Variants in ZNF362 observed in about 807,000 individuals in gnomAD.
ZNF362 encodes the protein rotund homolog.
A neutral mutation model predicts 42.9 loss-of-function variants in ZNF362; 11 were observed. That is an observed-to-expected ratio of 0.26 (90% CI 0.16 to 0.42). ZNF362 has a LOEUF of 0.42. Among genes scored for constraint, ZNF362 ranks in the 20% least tolerant of loss-of-function variants. The pLI, the probability that ZNF362 is intolerant of heterozygous loss-of-function variation, is 1.00. For missense variants in ZNF362, 362 were observed against 576.2 expected (o/e 0.63, Z 3.81); for synonymous variants, 255 against 257.3 (o/e 0.99, Z 0.09).
chr1:33,201,283 C>A, the ZNF362 span, among the ~76,000 whole-genome samples: 1 of 152,264 alleles, frequency 6.6e-6, no homozygotes, highest in Non-Finnish European at 1.5e-5. Flanking sequence ...ATACTGTCAG[C>A]CAACTTGATC....
chr1:33,192,289 C>T, the ZNF362 span, among the ~76,000 whole-genome samples: 12 of 152,156 alleles, frequency 7.9e-5, no homozygotes, highest in Non-Finnish European at 1.6e-4. Flanking sequence ...GGTTGTATCC[C>T]CTTGTATCTG....
At chr1:33,236,550 A>AAAAAAAAAAAAAAAATATATATATATAT in the ZNF362 span, among the ~76,000 whole-genome samples, 1 of 5,980 alleles carries the variant, frequency 1.7e-4, no homozygotes, top group African/African-American at 3.9e-4. Flanking sequence ...AAAAAAAAAA[A>AAAAAAAAAAAAAAAATATATATATATAT]ATATATATAT....
chr1:33,193,751 G>A, the ZNF362 span, among the ~76,000 whole-genome samples: 1 of 152,212 alleles, frequency 6.6e-6, no homozygotes, highest in African/African-American at 2.4e-5. Context: ...GTCCCTTGTT[G>A]AGCAGAAATA....
intron 1 of ZNF362, 124 bp downstream of exon 1, chr1:33,256,778 G>C (rs1428418120): frequency 6.8e-6 from 1 of 146,310 alleles, no homozygotes; most frequent in Admixed American, 6.8e-5. Context: ...AGCGCGGGCC[G>C]GGGCGCTCCG....
At position 33,292,318 on chromosome 1, in the gene ZNF362, G is replaced by T. The variant is rs183796298; in HGVS notation, c.909-2619G>T. 3.6e-3 allele frequency among the ~76,000 whole-genome samples: 549 copies of T among 152,328 alleles called. 4 individuals are homozygous for T. The highest frequency in any genetic ancestry group is 0.013 in the African/African-American group (520 of 41,566). On this transcript the variant is annotated intron_variant, in intron 6 of 8. Coordinates refer to ENST00000539719, the MANE Select transcript of ZNF362 (RefSeq NM_152493.3). ...GTCAAAGGCCTTTTCTGCATCTATTGAGATAATCATGTGGTGTTTGTCGTT... is the reference window on the plus strand; with the variant it reads ...GTCAAAGGCCTTTTCTGCATCTATTTAGATAATCATGTGGTGTTTGTCGTT...
chr1:33,299,024 C>T lies in ZNF362; in HGVS notation c.1241C>T (p.Pro414Leu). 6.2e-7 allele frequency: 1 copy of T among 1,610,632 alleles called. No homozygotes were observed. The highest frequency in any genetic ancestry group is 8.5e-7 in the Non-Finnish European group (1 of 1,179,962). ...CAGAGGACGGAGTCCCCCGGCATCC[C>T]GGTGCGAATCTCTCTCATCTGAGCC... ...SPQRTESPGIPVRISLI is the reference protein window; with the variant it reads ...SPQRTESPGILVRISLI Residue 414 changes from proline to leucine, a missense_variant, in exon 9 of 9, where the codon CCG becomes CTG. Around this residue, in one of 3 missense-constraint regions of ZNF362, gnomAD observed 68 missense variants for 107.4 expected, o/e 0.63. Coordinates refer to ENST00000539719, the MANE Select transcript of ZNF362 (RefSeq NM_152493.3).
Position 33,276,343 on chromosome 1 carries a change from C to T in ZNF362, c.103-5C>T, listed in dbSNP as rs200026338. The T allele has an allele frequency of 1.6e-5, 25 of 1,548,710 alleles. No homozygotes were observed. Among genetic ancestry groups the T allele is most frequent in the African/African-American group, 1.4e-4 (10 of 73,188 alleles). On this transcript the variant is annotated splice_polypyrimidine_tract_variant and splice_region_variant and intron_variant, in intron 3 of 8. Coordinates refer to ENST00000539719, the MANE Select transcript of ZNF362 (RefSeq NM_152493.3). The stretch of plus-strand genomic sequence containing the variant: ...CCTCCTCAGCCCGTCCTCTTCTTCC[C>T]GCAGCTGGACAACCTGGTTCTGATT...
intron 6 of ZNF362, among the ~76,000 whole-genome samples, chr1:33,282,445 A>G (rs919212924): frequency 6.6e-6 from 1 of 152,260 alleles, no homozygotes; most frequent in Admixed American, 6.5e-5. Context: ...GCAAGGAAGA[A>G]AACAGACGAA....
the ZNF362 span, among the ~76,000 whole-genome samples, chr1:33,191,866 T>C: frequency 1.3e-5 from 2 of 152,204 alleles, no homozygotes; most frequent in African/African-American, 2.4e-5. Flanking sequence ...ACCCTAGTGA[T>C]TGACCTAGAA....
In ZNF362 at chr1:33,299,052, C is replaced by G; in HGVS notation, c.*6C>G. On this transcript the variant is annotated 3_prime_UTR_variant, in exon 9 of 9. Coordinates refer to ENST00000539719, the MANE Select transcript of ZNF362 (RefSeq NM_152493.3). ...TGCGAATCTCTCTCATCTGAGCCCA[C>G]TGGAGGCGCCGCCCCACCCGGCCCA... 3 of 1,603,512 alleles carry G rather than the reference C, an allele frequency of 1.9e-6. No homozygotes were observed. Among genetic ancestry groups the G allele is most frequent in the Non-Finnish European group, 2.5e-6 (3 of 1,178,064 alleles).
At chr1:33,149,064 A>T in the ZNF362 span, among the ~76,000 whole-genome samples, 111,394 of 152,044 alleles carry the variant, frequency 0.73, 40,834 homozygotes, top group Admixed American at 0.76. Flanking sequence ...CCAGAGGCTC[A>T]ATTCAAAAGG....
the ZNF362 span, among the ~76,000 whole-genome samples, chr1:33,217,999 C>T: frequency 6.6e-6 from 1 of 152,182 alleles, no homozygotes; most frequent in East Asian, 1.9e-4. Context: ...TGAACATGAG[C>T]AGAATCCAGT....
intron 6 of ZNF362, among the ~76,000 whole-genome samples, chr1:33,292,277 A>G (rs912446075): frequency 2.6e-5 from 4 of 152,256 alleles, no homozygotes; most frequent in Middle Eastern, 3.2e-3. Flanking sequence ...TTTAGCAACA[A>G]GGGCTGTTGA....
chr1:33,194,532 CAAAAAAAAA>C, the ZNF362 span, among the ~76,000 whole-genome samples: 4 of 103,848 alleles, frequency 3.9e-5, no homozygotes, highest in Admixed American at 1.2e-4. Flanking sequence ...GACCCTGTCT[CAAAAAAAAA>C]AAAAAAAAAA....
chr1:33,200,372 G>A, the ZNF362 span: 1 of 152,006 alleles, frequency 6.6e-6, no homozygotes, highest in Admixed American at 6.6e-5. Flanking sequence ...TCCAAAAAAG[G>A]CAGAAAAAGA....
At chr1:33,258,153 C>T (rs986821828) in intron 1 of ZNF362, among the ~76,000 whole-genome samples, 3 of 152,224 alleles carry the variant, frequency 2.0e-5, no homozygotes, top group Admixed American at 6.5e-5. Context: ...CACTCCTGCC[C>T]TACGCCCGGG....
At chr1:33,263,828 G>A (rs531633540) in intron 1 of ZNF362, among the ~76,000 whole-genome samples, 3 of 152,348 alleles carry the variant, frequency 2.0e-5, no homozygotes, top group Non-Finnish European at 2.9e-5. Context: ...AAGAGAAGGT[G>A]GTGGCACTGG....
the ZNF362 span, chr1:33,159,698 G>C: frequency 6.2e-7 from 1 of 1,607,836 alleles, no homozygotes; most frequent in African/African-American, 1.3e-5. The surrounding 1 kb of genome is among the most constrained non-coding windows in gnomAD (Gnocchi z 4.2). Context: ...CGCTCGGACA[G>C]TGAGGCCACC....
chr1:33,189,718 T>TATATATATATATAC, the ZNF362 span, among the ~76,000 whole-genome samples: 1 of 125,810 alleles, frequency 7.9e-6, no homozygotes, highest in Non-Finnish European at 1.6e-5. Context: ...CGTATATATA[T>TATATATATATATAC]ACATACACAC....
Sources: allele counts gnomAD v4.1 joint callset (sites outside exome capture counted in the v4.1 genomes callset), GRCh38; gene constraint gnomAD v4.1.1; regional missense constraint gnomAD v4.1.1; non-coding constraint Gnocchi (gnomAD v3.1); transcripts MANE v1.5; gene names NCBI Gene and HGNC (gene_info 2026-07-23, HGNC 2026-07-21).